The following PHC1 variants were observed in gnomAD, a reference collection of about 807,000 sequenced individuals.
PHC1 encodes polyhomeotic-like protein 1.
Under a neutral mutation model 104.3 loss-of-function variants are expected in PHC1, and 12 were observed. The observed-to-expected ratio is 0.12, with a 90% CI of 0.07 to 0.19. The LOEUF is 0.19. Ranked by LOEUF, PHC1 falls within the 10% of genes least tolerant of loss-of-function variation. PHC1 has a pLI of 1.00. For synonymous variants in PHC1, 302 were observed against 455.8 expected (o/e 0.66, Z 4.30); for missense variants, 671 against 1,200.0 (o/e 0.56, Z 6.51).
chr12:8,934,143 C>T, intron 9 of PHC1, 124 bp from the exon 10 acceptor site: 1 of 1,304,368 alleles, frequency 7.7e-7, no homozygotes, highest in Admixed American at 1.9e-5. Context: ...GATCCAAAAA[C>T]AGGGAATCCA....
chr12:8,937,438 A>T lies in PHC1; in HGVS notation c.2628+112A>T, dbSNP rs1269921517. ...GGTGTGAGATGAGAACTCTGGTTTC[A>T]CATTGATTGCATTACTACAAATTCC... On this transcript the variant is annotated intron_variant, in intron 13 of 14. Coordinates refer to ENST00000544916, the MANE Select transcript of PHC1 (RefSeq NM_004426.3). 3 of 993,632 alleles carry T rather than the reference A, an allele frequency of 3.0e-6. No individual in the cohort carries two copies. The African/African-American group carries it at 4.9e-5, about 16-fold the overall frequency. 61.6% of individuals were successfully genotyped at this position (993,632 alleles called of 1,614,324 possible).
At chr12:8,930,971 T>A in intron 7 of PHC1, 44 bp downstream of exon 7, 1 of 1,544,194 alleles carries the variant, frequency 6.5e-7, no homozygotes, top group South Asian at 1.2e-5. Flanking sequence ...AGAATTCATG[T>A]GAAATTTTCC....
chr12:8,939,034 C>T (rs1342672360), intron 14 of PHC1, among the ~76,000 whole-genome samples: 3 of 152,350 alleles, frequency 2.0e-5, no homozygotes, highest in Middle Eastern at 6.8e-3. Context: ...CCATGTTGCC[C>T]AGGATGGTCT....
At chr12:8,936,318 G>A (rs1945836375) in intron 11 of PHC1, among the ~76,000 whole-genome samples, 1 of 152,170 alleles carries the variant, frequency 6.6e-6, no homozygotes, top group Non-Finnish European at 1.5e-5. Context: ...GGAGGTGGAG[G>A]TTGCAGCGAT....
At chr12:8,931,074 A>G (rs1430892012) in intron 7 of PHC1, 147 bp downstream of exon 7, 4 of 815,142 alleles carry the variant, frequency 4.9e-6, no homozygotes, top group Non-Finnish European at 7.5e-6. Context: ...GAATAATATC[A>G]GCCTTGAACA....
At position 8,934,477 on chromosome 12, in the gene PHC1, C is replaced by T. The variant is rs759712948; in HGVS notation, c.2252C>T (p.Pro751Leu). The change falls in exon 10 of 15, where the codon CCG becomes CTG. Residue 751 changes from proline (P) to leucine (L), a missense_variant and splice_region_variant. Pro to Leu is a moderately conservative substitution (Grantham distance 98, BLOSUM62 -3). Transcript: ENST00000544916. The part of the protein sequence containing the change: ...FVIQEGAEPF[P>L]VGCSQLLKES... Reference sequence around the variant, plus strand: ...ATCCAGGAAGGAGCAGAACCTTTCCCGGTGAGGGCAGGGCCATAAGGTGGG... The same window carrying T: ...ATCCAGGAAGGAGCAGAACCTTTCCTGGTGAGGGCAGGGCCATAAGGTGGG... 8.1e-6 allele frequency: 13 copies of T among 1,611,772 alleles called. No individual in the cohort carries two copies. The highest frequency in any genetic ancestry group is 1.7e-5 in the Admixed American group (1 of 59,906).
chr12:8,935,262 T>C, intron 11 of PHC1, 24 bp downstream of exon 11: 1 of 1,292,494 alleles, frequency 7.7e-7, no homozygotes. Context: ...TAGAGACTCA[T>C]TTGGGGGAAG....
intron 11 of PHC1, among the ~76,000 whole-genome samples, chr12:8,935,824 G>C (rs1269568705): frequency 6.6e-6 from 1 of 151,936 alleles, no homozygotes; most frequent in Admixed American, 6.5e-5. Flanking sequence ...GCAATGGTGG[G>C]ATCTTGGCTC....
In PHC1 at chr12:8,937,870, T is replaced by C. The variant is rs2137138255; in HGVS notation, c.2670T>C (p.Tyr890=). 1.9e-6 allele frequency: 3 copies of C among 1,613,336 alleles called. No individual in the cohort carries two copies. The highest frequency in any genetic ancestry group is 2.5e-6 in the Non-Finnish European group (3 of 1,179,342). ...DSSRGSDNSS[Y]DEALSPTSPG... ...GCCGGGGTTCAGATAATTCCAGTTA[T>C]GATGAAGCACTCTCTCCAACATCTC... The change falls in exon 14 of 15, where the codon TAT becomes TAC. Residue 890 remains tyrosine (Y), a synonymous_variant. Coordinates refer to ENST00000544916, the MANE Select transcript of PHC1 (RefSeq NM_004426.3).
At chr12:8,923,178 GT>G (rs1214062838) in intron 6 of PHC1, among the ~76,000 whole-genome samples, 2 of 152,214 alleles carry the variant, frequency 1.3e-5, no homozygotes, top group Non-Finnish European at 2.9e-5. Context: ...ACCTGGCTGA[GT>G]TACTGGAGGA....
intron 9 of PHC1, 47 bp from the exon 10 acceptor site, chr12:8,934,220 C>A: frequency 6.9e-7 from 1 of 1,459,318 alleles, no homozygotes; most frequent in Non-Finnish European, 9.6e-7. Flanking sequence ...ATAGATGGAT[C>A]AATATGTCAT....
Position 8,934,083 on chromosome 12 carries a change from T to G in PHC1, c.2041+71T>G, listed in dbSNP as rs1319024764. 3 of 1,551,986 alleles carry G rather than the reference T, an allele frequency of 1.9e-6. No individual in the cohort carries two copies. In the African/African-American group the frequency reaches 4.1e-5, roughly 21 times the overall value. On this transcript the variant is annotated intron_variant, in intron 9 of 14. Transcript: ENST00000544916. ...GGAATGTTCTGAGTGAGCTAAAAGATAAAACTGGTTGAGTAGAAAATGGGC... is the reference window on the plus strand; with the variant it reads ...GGAATGTTCTGAGTGAGCTAAAAGAGAAAACTGGTTGAGTAGAAAATGGGC...
intron 14 of PHC1, 140 bp downstream of exon 14, chr12:8,938,200 A>G (rs1392705348): frequency 8.1e-6 from 5 of 614,858 alleles, no homozygotes; most frequent in African/African-American, 5.5e-5. Flanking sequence ...CTAATATTCA[A>G]GTTGACTTCC....
chr12:8,936,754 G>GA lies in PHC1; in HGVS notation c.2369-102_2369-101insA, dbSNP rs35310025. On this transcript the variant is annotated intron_variant, in intron 11 of 14. Transcript: ENST00000544916. ...AACTAGGTTGTGTAGGTTTTTGGGG[G>GA]TGAACCCTGAGAATAATTTTAGAAT... 6.6e-4 allele frequency: 520 copies of GA among 792,276 alleles called. 2 individuals are homozygous for GA. The highest frequency in any genetic ancestry group is 4.0e-4 in the East Asian group (15 of 37,356). The allele number at this position is 792,276 out of a possible 1,614,324, so 49.1% of individuals were successfully genotyped here.
In PHC1 at chr12:8,921,625, G is replaced by A. The variant is rs376941587; in HGVS notation, c.331G>A (p.Ala111Thr). The change falls in exon 5 of 15, where the codon GCC becomes ACC. Residue 111 changes from alanine (A) to threonine (T), a missense_variant. Coordinates refer to ENST00000544916, the MANE Select transcript of PHC1 (RefSeq NM_004426.3). Reference protein sequence around the residue: ...ASINLATTSAAQLISRSQSVS... With the variant: ...ASINLATTSATQLISRSQSVS... The stretch of plus-strand genomic sequence containing the variant: ...GATCAATCTGGCCACCACATCGGCC[G>A]CCCAGCTCATCAGCCGATCCCAGAG... 4.5e-5 allele frequency: 73 copies of A among 1,613,282 alleles called. No individual in the cohort carries two copies. Among genetic ancestry groups the A allele is most frequent in the Middle Eastern group, 1.6e-4 (1 of 6,078 alleles).
intron 11 of PHC1, among the ~76,000 whole-genome samples, chr12:8,935,916 A>G (rs550077819): frequency 4.3e-4 from 65 of 151,994 alleles, no homozygotes; most frequent in Admixed American, 1.4e-3. Context: ...ATGCGCCACC[A>G]CGCCTGGCTA....
rs1210902129 is a variant in PHC1, at chr12:8,941,267, C to T, written c.*1808C>T. 1 of 234,656 alleles carries T rather than the reference C, an allele frequency of 4.3e-6. No homozygotes were observed. The highest frequency in any genetic ancestry group is 1.1e-4 in the East Asian group (1 of 8,848). 14.5% of individuals were successfully genotyped at this position (234,656 alleles called of 1,614,324 possible). A position where few individuals can be genotyped will look rare whatever the true frequency, so the allele number is the denominator to read the frequency against. On this transcript the variant is annotated 3_prime_UTR_variant, in exon 15 of 15. Transcript: ENST00000544916. ...AGAGGTGGGAGAAGCAAGTCTAGAA[C>T]ATCTCCAGGCTCAGACTAAACGAGA...
chr12:8,936,780 C>A, intron 11 of PHC1, 76 bp from the exon 12 acceptor site: 1 of 924,950 alleles, frequency 1.1e-6, no homozygotes, highest in Non-Finnish European at 1.7e-6. Flanking sequence ...ATTTTAGAAT[C>A]CAGCTCTGAG....
chr12:8,938,228 G>A (rs754492521), intron 14 of PHC1, among the ~76,000 whole-genome samples, 168 bp downstream of exon 14: 7 of 152,264 alleles, frequency 4.6e-5, no homozygotes, highest in African/African-American at 1.7e-4. Flanking sequence ...TTTCTGGGTT[G>A]ACATTATCTT....
Sources: gnomAD v4.1 joint callset for allele counts (sites outside exome capture counted in the v4.1 genomes callset) on GRCh38, gnomAD v4.1.1 for gene constraint, MANE v1.5 for transcripts, NCBI Gene and HGNC (gene_info 2026-07-23, HGNC 2026-07-21) for gene names.